The following EXOC4 variants were observed in gnomAD, a reference collection of about 807,000 sequenced individuals.
EXOC4 encodes SEC8-like 1.
EXOC4 carries 71 observed loss-of-function variants against 107.2 expected under a neutral mutation model. The observed-to-expected ratio is 0.66, with a 90% CI of 0.55 to 0.81. EXOC4 has a LOEUF of 0.81. EXOC4 is among the 30% of genes least tolerant of loss of function. The probability of loss-of-function intolerance (pLI) is 0.00; values close to 1 mark genes in which losing one functional copy is unlikely to be tolerated. For synonymous variants in EXOC4, 456 were observed against 441.2 expected (o/e 1.03, Z -0.42); for missense variants, 1,108 against 1,189.6 (o/e 0.93, Z 1.01).
intron 10 of EXOC4, among the ~76,000 whole-genome samples, chr7:133,643,875 T>C (rs1378952175): frequency 6.6e-6 from 1 of 152,238 alleles, no homozygotes; most frequent in Non-Finnish European, 1.5e-5. Context: ...TGGTCATGGC[T>C]GGTATTGATG....
chr7:133,381,496 T>C (rs2150701534), intron 7 of EXOC4, among the ~76,000 whole-genome samples: 1 of 152,184 alleles, frequency 6.6e-6, no homozygotes, highest in East Asian at 1.9e-4. Flanking sequence ...GAAAGGCTCA[T>C]GAGATAGTAT....
At chr7:134,020,175 C>T (rs1437151579) in intron 17 of EXOC4, among the ~76,000 whole-genome samples, 2 of 152,192 alleles carry the variant, frequency 1.3e-5, no homozygotes, top group Admixed American at 1.3e-4. Context: ...TTCCCAAAGA[C>T]TAGAAGGTAT....
downstream of EXOC4, among the ~76,000 whole-genome samples, chr7:134,070,465 C>G (rs76627595): frequency 0.019 from 2,930 of 152,236 alleles, 57 homozygotes; most frequent in Non-Finnish European, 0.029. Flanking sequence ...GATAGAGCTA[C>G]TTATCAAGAG....
chr7:133,615,405 T>C (rs561342697), intron 9 of EXOC4, among the ~76,000 whole-genome samples: 1 of 152,196 alleles, frequency 6.6e-6, no homozygotes, highest in Non-Finnish European at 1.5e-5. Context: ...AACAATACAG[T>C]ATAACACACA....
chr7:133,302,462 G>T (rs933022545), intron 3 of EXOC4, among the ~76,000 whole-genome samples: 1 of 152,098 alleles, frequency 6.6e-6, no homozygotes, highest in Non-Finnish European at 1.5e-5. Context: ...TATATATGAA[G>T]AATTCTAAAT....
chr7:133,839,926 C>G (rs1797990276), intron 11 of EXOC4, among the ~76,000 whole-genome samples: 1 of 152,066 alleles, frequency 6.6e-6, no homozygotes, highest in Non-Finnish European at 1.5e-5. Context: ...GAGTCCTGCC[C>G]TCAAGTTTAT....
chr7:133,413,620 G>C (rs1388262498), intron 7 of EXOC4, among the ~76,000 whole-genome samples: 1 of 152,062 alleles, frequency 6.6e-6, no homozygotes, highest in Non-Finnish European at 1.5e-5. Context: ...GATTCCTTTT[G>C]GGGACTTATA....
In EXOC4 at chr7:133,384,018, A is replaced by G. The variant is rs73148948; in HGVS notation, c.1182+9016A>G. Among the ~76,000 whole-genome samples the G allele has an allele frequency of 4.8e-3, 726 of 152,276 alleles. 8 individuals carry two copies. Among genetic ancestry groups the G allele is most frequent in the Non-Finnish European group, 5.0e-3 (343 of 68,012 alleles). ...CTTCTAAATTCGAGTTTGTTTCTGTAGCACCAGGACTCTCCCTGTGTTGTT... is the reference window on the plus strand; with the variant it reads ...CTTCTAAATTCGAGTTTGTTTCTGTGGCACCAGGACTCTCCCTGTGTTGTT... On this transcript the variant is annotated intron_variant, in intron 7 of 17. Transcript: ENST00000253861.
the EXOC4 span, among the ~76,000 whole-genome samples, chr7:134,073,945 G>T: frequency 1.3e-5 from 2 of 152,172 alleles, no homozygotes; most frequent in Non-Finnish European, 2.9e-5. Context: ...CTGTCGTCAG[G>T]CCCTGCCCTC....
intron 10 of EXOC4, among the ~76,000 whole-genome samples, chr7:133,687,220 A>G (rs1020007502): frequency 6.6e-6 from 1 of 152,090 alleles, no homozygotes; most frequent in South Asian, 2.1e-4. Context: ...ATGCAGAGGC[A>G]TAAGAATGAT....
intron 9 of EXOC4, among the ~76,000 whole-genome samples, chr7:133,606,914 A>G (rs1801962595): frequency 6.6e-6 from 1 of 152,028 alleles, no homozygotes; most frequent in Admixed American, 6.6e-5. Flanking sequence ...TTCTCCCTAA[A>G]AATTCCCATA....
chr7:133,675,841 A>C (rs564807339), intron 10 of EXOC4, among the ~76,000 whole-genome samples: 8 of 152,336 alleles, frequency 5.3e-5, no homozygotes, highest in African/African-American at 1.9e-4. Flanking sequence ...TATTAAATTG[A>C]GATGAAATAT....
intron 7 of EXOC4, among the ~76,000 whole-genome samples, chr7:133,416,070 A>G (rs1007038511): frequency 6.6e-6 from 1 of 152,218 alleles, no homozygotes; most frequent in African/African-American, 2.4e-5. Context: ...ATATTTGGCA[A>G]TTCTTATTAA....
chr7:133,991,090 C>G (rs1334283486), intron 14 of EXOC4, among the ~76,000 whole-genome samples: 1 of 152,194 alleles, frequency 6.6e-6, no homozygotes, highest in East Asian at 1.9e-4. Flanking sequence ...CAGCATTTGT[C>G]TTTTTTATAA....
At chr7:134,074,739 C>T in the EXOC4 span, among the ~76,000 whole-genome samples, 1 of 152,182 alleles carries the variant, frequency 6.6e-6, no homozygotes, top group Non-Finnish European at 1.5e-5. Context: ...AAGGTCCTGC[C>T]TTCAAAGACA....
chr7:133,961,280 C>T (rs1307651657), intron 14 of EXOC4, among the ~76,000 whole-genome samples: 34 of 77,012 alleles, frequency 4.4e-4, no homozygotes, highest in East Asian at 1.9e-3. Context: ...TCATGTCAAA[C>T]TTTTTTTTTT....
chr7:133,416,857 G>A (rs182894267), intron 7 of EXOC4, among the ~76,000 whole-genome samples: 378 of 152,272 alleles, frequency 2.5e-3, no homozygotes, highest in Non-Finnish European at 3.7e-3. Flanking sequence ...AGGAATGCAC[G>A]GTGAGTGCCC....
chr7:133,676,006 G>A (rs1006165103), intron 10 of EXOC4, among the ~76,000 whole-genome samples: 7 of 151,940 alleles, frequency 4.6e-5, no homozygotes, highest in Non-Finnish European at 7.4e-5. Context: ...TGGCAATGTC[G>A]TCTGCTTCAT....
intron 17 of EXOC4, among the ~76,000 whole-genome samples, chr7:134,045,519 T>G (rs1795628373): frequency 6.6e-6 from 1 of 152,238 alleles, no homozygotes; most frequent in African/African-American, 2.4e-5. Flanking sequence ...AATGGATCAA[T>G]CCTCACAACA....
Sources: allele counts gnomAD v4.1 joint callset (sites outside exome capture counted in the v4.1 genomes callset), GRCh38; gene constraint gnomAD v4.1.1; transcripts MANE v1.5; gene names NCBI Gene and HGNC (gene_info 2026-07-23, HGNC 2026-07-21).